The following CNTN4 variants were observed in gnomAD, a reference collection of about 807,000 sequenced individuals.
CNTN4 encodes the protein contactin-4.
CNTN4 carries 77 observed loss-of-function variants against 122.5 expected under a neutral mutation model. That is an observed-to-expected ratio of 0.63 (90% CI 0.52 to 0.76). The LOEUF is 0.76. CNTN4 is among the 30% of genes least tolerant of loss of function. The pLI is 0.00. For synonymous variants in CNTN4, 512 were observed against 447.0 expected (o/e 1.15, Z -1.83); for missense variants, 1,256 against 1,259.1 (o/e 1.00, Z 0.04).
chr3:2,648,823 T>C (rs1199833335), intron 4 of CNTN4, among the ~76,000 whole-genome samples: 1 of 152,220 alleles, frequency 6.6e-6, no homozygotes, highest in Non-Finnish European at 1.5e-5. Context: ...TTGCGCCAAA[T>C]GGTTGGCTAA....
chr3:2,887,121 TC>T lies in CNTN4; in HGVS notation c.838del (p.Glu281ArgfsTer16). 1.2e-6 allele frequency: 2 copies of T among 1,614,128 alleles called. No individual in the cohort carries two copies. Among genetic ancestry groups the T allele is most frequent in the Non-Finnish European group, 1.7e-6 (2 of 1,180,010 alleles). On this transcript the variant is annotated frameshift_variant, in exon 10 of 25. Coordinates refer to ENST00000418658, the MANE Select transcript of CNTN4 (RefSeq NM_175607.3). LOFTEE classifies it high-confidence loss of function. ...KARRHKSNGI[L>X]EIPNFQQEDA... ...CCAGAAGACACAAGTCAAATGGAAT[TC>T]TTGAGATCCCTAATTTTCAGCAGGA...
At chr3:2,426,330 T>C (rs2047831824) in intron 3 of CNTN4, among the ~76,000 whole-genome samples, 1 of 152,206 alleles carries the variant, frequency 6.6e-6, no homozygotes, top group South Asian at 2.1e-4. Flanking sequence ...GATAATCATG[T>C]GGTTTTTGTC....
chr3:2,582,812 C>G (rs1049642394), intron 4 of CNTN4, among the ~76,000 whole-genome samples: 4 of 149,096 alleles, frequency 2.7e-5, no homozygotes, highest in African/African-American at 7.4e-5. Flanking sequence ...TCCTGGTGGC[C>G]AAAATTAAAA....
chr3:2,519,995 GC>G (rs933880324), intron 3 of CNTN4, among the ~76,000 whole-genome samples: 2 of 151,892 alleles, frequency 1.3e-5, no homozygotes, highest in Non-Finnish European at 2.9e-5. Flanking sequence ...TTCCTACAAG[GC>G]TTTTTTTAAA....
intron 2 of CNTN4, among the ~76,000 whole-genome samples, chr3:2,197,135 A>C (rs1271748346): frequency 6.6e-6 from 1 of 151,902 alleles, no homozygotes; most frequent in Admixed American, 6.6e-5. Flanking sequence ...AACTTTCTTG[A>C]AGTTATAGCG....
At chr3:2,426,071 C>G (rs147044744) in intron 3 of CNTN4, among the ~76,000 whole-genome samples, 299 of 152,248 alleles carry the variant, frequency 2.0e-3, no homozygotes, top group African/African-American at 6.6e-3. Context: ...CCTTCTCCTG[C>G]CTGATTGCCC....
intron 2 of CNTN4, among the ~76,000 whole-genome samples, chr3:2,116,708 A>G (rs1399899800): frequency 1.3e-5 from 2 of 152,158 alleles, no homozygotes; most frequent in Admixed American, 6.6e-5. Context: ...CTTTATGTGC[A>G]TTGTGAAATG....
intron 3 of CNTN4, among the ~76,000 whole-genome samples, chr3:2,530,999 C>A (rs1046997843): frequency 6.6e-6 from 1 of 152,262 alleles, no homozygotes; most frequent in Middle Eastern, 3.4e-3. Context: ...ATTGTGCCAT[C>A]TTCATAGATG....
At chr3:2,819,275 T>G (rs1415597458) in intron 6 of CNTN4, among the ~76,000 whole-genome samples, 2 of 152,144 alleles carry the variant, frequency 1.3e-5, no homozygotes, top group African/African-American at 4.8e-5. Context: ...TAGGCACGTG[T>G]GGTAAGTAGA....
At chr3:2,336,408 G>A (rs1302599208) in intron 2 of CNTN4, among the ~76,000 whole-genome samples, 9 of 152,110 alleles carry the variant, frequency 5.9e-5, no homozygotes, top group African/African-American at 2.2e-4. Context: ...ATATTCATGA[G>A]CCAGGAATTT....
intron 2 of CNTN4, among the ~76,000 whole-genome samples, chr3:2,315,736 T>C (rs1033431077): frequency 1.3e-5 from 2 of 152,066 alleles, no homozygotes; most frequent in African/African-American, 4.8e-5. Flanking sequence ...GTTTTACCAG[T>C]AATGAACATT....
intron 3 of CNTN4, among the ~76,000 whole-genome samples, chr3:2,498,064 A>G (rs1365263273): frequency 1.3e-5 from 2 of 152,214 alleles, no homozygotes; most frequent in African/African-American, 2.4e-5. Context: ...AAAGTTGTTT[A>G]TATCATGATA....
chr3:2,664,313 T>G (rs1405121556), intron 4 of CNTN4, among the ~76,000 whole-genome samples: 1 of 105,918 alleles, frequency 9.4e-6, no homozygotes, highest in African/African-American at 2.9e-5. Context: ...CCTGTGATTT[T>G]CTTTTTTGGT....
chr3:2,857,991 A>T (rs1388101140), intron 7 of CNTN4, among the ~76,000 whole-genome samples: 1 of 152,190 alleles, frequency 6.6e-6, no homozygotes. Flanking sequence ...TGTATCCTAA[A>T]GCAGGGGCTA....
At chr3:2,940,708 G>A (rs1437005597) in intron 13 of CNTN4, among the ~76,000 whole-genome samples, 1 of 148,756 alleles carries the variant, frequency 6.7e-6, no homozygotes, top group Non-Finnish European at 1.5e-5. Flanking sequence ...AGGAAGAGAA[G>A]ATGAGTAAAG....
intron 2 of CNTN4, among the ~76,000 whole-genome samples, chr3:2,128,174 C>T (rs1417724189): frequency 2.0e-5 from 3 of 152,110 alleles, no homozygotes; most frequent in Admixed American, 6.5e-5. Context: ...TTATTTTTAA[C>T]CGTCTGCCAG....
At chr3:2,116,325 A>C (rs769743602) in intron 2 of CNTN4, among the ~76,000 whole-genome samples, 7 of 152,126 alleles carry the variant, frequency 4.6e-5, no homozygotes, top group Non-Finnish European at 7.3e-5. Flanking sequence ...CCAATCCATC[A>C]TTCCTGTCCT....
chr3:2,676,394 G>A (rs1024277569), intron 4 of CNTN4, among the ~76,000 whole-genome samples: 14 of 152,082 alleles, frequency 9.2e-5, no homozygotes, highest in Non-Finnish European at 1.5e-5. Context: ...ACTAATTTTT[G>A]TATTTTTAAT....
intron 3 of CNTN4, among the ~76,000 whole-genome samples, chr3:2,481,075 TTC>T (rs1250131004): frequency 6.7e-6 from 1 of 148,900 alleles, no homozygotes; most frequent in Admixed American, 6.7e-5. Flanking sequence ...CTTTCTCTCT[TTC>T]TCTCTTTCTC....
Sources: gnomAD v4.1 joint callset for allele counts (sites outside exome capture counted in the v4.1 genomes callset) on GRCh38, gnomAD v4.1.1 for gene constraint, MANE v1.5 for transcripts, NCBI Gene and HGNC (gene_info 2026-07-23, HGNC 2026-07-21) for gene names.